DNAAF10: variants seen among roughly 807,000 people sequenced by gnomAD.
DNAAF10 encodes the protein WD repeat domain 92.
A neutral mutation model predicts 43.7 loss-of-function variants in DNAAF10; 28 were observed. The ratio of observed to expected loss-of-function variants is 0.64; its 90% confidence interval spans 0.48 to 0.88. DNAAF10 has a LOEUF of 0.88. Ranked by LOEUF, DNAAF10 falls within the 40% of genes least tolerant of loss-of-function variation. The pLI, the probability that DNAAF10 is intolerant of heterozygous loss-of-function variation, is 0.00. For synonymous variants in DNAAF10, 156 were observed against 157.3 expected (o/e 0.99, Z 0.06); for missense variants, 403 against 439.1 (o/e 0.92, Z 0.73).
intron 1 of DNAAF10, among the ~76,000 whole-genome samples, chr2:68,150,066 C>T (rs1008420663): frequency 1.9e-4 from 29 of 152,194 alleles, no homozygotes; most frequent in African/African-American, 6.5e-4. Flanking sequence ...CAGAATTCCA[C>T]CGCTGTCCCC....
In DNAAF10 at chr2:68,137,326, G is replaced by A; in HGVS notation, c.741C>T (p.Thr247=). 1 of 1,611,670 alleles carries A rather than the reference G, an allele frequency of 6.2e-7. No homozygotes were observed. Among genetic ancestry groups the A allele is most frequent in the Non-Finnish European group, 8.5e-7 (1 of 1,179,014 alleles). The part of the protein sequence containing the change: ...HVFDMRTQHP[T]KGFASVSEKA... ...TTTCTGAAACAGAGGCAAAACCTTT[G>A]GTTGGATGCTGTGTTCTCATGTCAA... The change falls in exon 6 of 8, where the codon ACC becomes ACT. Residue 247 remains threonine (T), a synonymous_variant. Transcript: ENST00000295121.
At chr2:68,153,163 C>T (rs1169477569) in intron 1 of DNAAF10, among the ~76,000 whole-genome samples, 1 of 152,094 alleles carries the variant, frequency 6.6e-6, no homozygotes, top group Non-Finnish European at 1.5e-5. Context: ...CTCAGCCAGA[C>T]ACCTTTGTGT....
At position 68,142,942 on chromosome 2, in the gene DNAAF10, A is replaced by G. The variant is rs144139070; in HGVS notation, c.416-1147T>C. ...TGCTCTGTCACCCAGGATGGAGTGC[A>G]GTCGTGCGATCATGGTTCACTGTAG... On this transcript the variant is annotated intron_variant, in intron 3 of 7. Transcript: ENST00000295121. 6.1e-3 allele frequency among the ~76,000 whole-genome samples: 931 copies of G among 152,266 alleles called. 5 individuals carry two copies. The highest frequency in any genetic ancestry group is 0.022 in the African/African-American group (894 of 41,540).
At chr2:68,140,470 C>T (rs1380248006) in intron 4 of DNAAF10, among the ~76,000 whole-genome samples, 1 of 152,202 alleles carries the variant, frequency 6.6e-6, no homozygotes, top group African/African-American at 2.4e-5. Flanking sequence ...TATCCAAAAA[C>T]ATTCCCAAAT....
chr2:68,156,252 C>T (rs1673607624), intron 1 of DNAAF10, among the ~76,000 whole-genome samples: 1 of 152,034 alleles, frequency 6.6e-6, no homozygotes, highest in Non-Finnish European at 1.5e-5. Flanking sequence ...TACATACTTT[C>T]TATTCTAGGC....
At chr2:68,138,965 T>C in intron 4 of DNAAF10, 108 bp from the exon 5 acceptor site, 1 of 773,774 alleles carries the variant, frequency 1.3e-6, no homozygotes, top group South Asian at 1.7e-5. Context: ...AATCAGATCT[T>C]AAAAATCACA....
At chr2:68,149,965 C>T (rs1464463861) in intron 1 of DNAAF10, among the ~76,000 whole-genome samples, 1 of 152,112 alleles carries the variant, frequency 6.6e-6, no homozygotes, top group Non-Finnish European at 1.5e-5. Flanking sequence ...ATCTATTGAC[C>T]CAATTCTCTG....
intron 5 of DNAAF10, among the ~76,000 whole-genome samples, chr2:68,137,747 G>A (rs968125652): frequency 4.0e-5 from 6 of 151,814 alleles, no homozygotes; most frequent in Non-Finnish European, 7.4e-5. Context: ...TGCGCCTGTA[G>A]TCCCAGCTAC....
At chr2:68,145,383 T>C (rs1319326557) in intron 2 of DNAAF10, among the ~76,000 whole-genome samples, 6 of 152,126 alleles carry the variant, frequency 3.9e-5, no homozygotes, top group Non-Finnish European at 8.8e-5. Flanking sequence ...ATCATACTCA[T>C]TGTTAAATTC....
At position 68,130,739 on chromosome 2, in the gene DNAAF10, G is replaced by C. The variant is rs531433991; in HGVS notation, c.*499C>G. On this transcript the variant is annotated 3_prime_UTR_variant, in exon 8 of 8. Transcript: ENST00000295121. ...TTTACTTGGTGCTTCTGATACCCAC[G>C]TGCAGCAGCAAGTCAGCAAACAAGC... 1 of 154,006 alleles carries C rather than the reference G, an allele frequency of 6.5e-6. No homozygotes were observed. Among genetic ancestry groups the C allele is most frequent in the East Asian group, 1.9e-4 (1 of 5,184 alleles). The allele number at this position is 154,006 out of a possible 1,614,324, so 9.5% of individuals were successfully genotyped here. A position where few individuals can be genotyped will look rare whatever the true frequency, so the allele number is the denominator to read the frequency against.
At chr2:68,152,560 C>CAGAAA (rs1239824513) in intron 1 of DNAAF10, among the ~76,000 whole-genome samples, 2 of 151,512 alleles carry the variant, frequency 1.3e-5, no homozygotes, top group East Asian at 3.9e-4. Context: ...AGTTTATCTA[C>CAGAAA]AGAAAAGAAA....
chr2:68,146,818 A>G (rs1198638848), intron 2 of DNAAF10, among the ~76,000 whole-genome samples: 1 of 152,186 alleles, frequency 6.6e-6, no homozygotes, highest in Non-Finnish European at 1.5e-5. Flanking sequence ...AACACTCTAG[A>G]ACTTTCTCCA....
rs958943671 is a variant in DNAAF10, at chr2:68,130,872, A to C, written c.*366T>G. 3 of 187,682 alleles carry C rather than the reference A, an allele frequency of 1.6e-5. No homozygotes were observed. The highest frequency in any genetic ancestry group is 3.4e-5 in the Non-Finnish European group (3 of 88,450). 11.6% of individuals were successfully genotyped at this position (187,682 alleles called of 1,614,324 possible). Reference sequence around the variant, plus strand: ...GTCAGAGGACTCCAGAACCTATCTTAAATTGTGTGAGTGTTCCTCTGGAAG... The same window carrying C: ...GTCAGAGGACTCCAGAACCTATCTTCAATTGTGTGAGTGTTCCTCTGGAAG... On this transcript the variant is annotated 3_prime_UTR_variant, in exon 8 of 8. Transcript: ENST00000295121.
Position 68,134,388 on chromosome 2 carries a change from T to C in DNAAF10, c.866+314A>G, listed in dbSNP as rs1194331807. 3 of 1,093,722 alleles carry C rather than the reference T, an allele frequency of 2.7e-6. No individual in the cohort carries two copies. The African/African-American group carries it at 5.1e-5, about 19-fold the overall frequency. The allele number at this position is 1,093,722 out of a possible 1,614,324, so 67.8% of individuals were successfully genotyped here. On this transcript the variant is annotated intron_variant, in intron 7 of 7. Transcript: ENST00000295121. ...GGCAAGGAACCCTTTCCCCATCTTT[T>C]AGAGGCAGTGAGTGTTCTAATCACT...
Position 68,134,785 on chromosome 2 carries a change from A to C in DNAAF10, c.783T>G (p.Thr261=). 6.2e-7 allele frequency: 1 copy of C among 1,613,450 alleles called. No individual in the cohort carries two copies. Among genetic ancestry groups the C allele is most frequent in the South Asian group, 1.1e-5 (1 of 90,882 alleles). ...ASVSEKAHKS[T]VWQVRHLPQN... ...GCGGCAGGTGTCGGACCTGCCACACAGTAGATTTATGAGCCTAAATAGAAC... is the reference window on the plus strand; with the variant it reads ...GCGGCAGGTGTCGGACCTGCCACACCGTAGATTTATGAGCCTAAATAGAAC... Residue 261 remains threonine (T), a synonymous_variant, in exon 7 of 8, where the codon ACT becomes ACG. Transcript: ENST00000295121.
chr2:68,145,366 C>G (rs76864194), intron 2 of DNAAF10, among the ~76,000 whole-genome samples: 3,897 of 152,074 alleles, frequency 0.026, 43 homozygotes, highest in Middle Eastern at 0.092. Context: ...GCTGGCCTTA[C>G]TAAATCATCA....
rs776842391 is a variant in DNAAF10, at chr2:68,131,262, G to A, written c.1050C>T (p.Ile350=). 3.5e-5 allele frequency: 57 copies of A among 1,613,770 alleles called. No homozygotes were observed. The highest frequency in any genetic ancestry group is 1.1e-4 in the African/African-American group (8 of 74,824). Residue 350 remains isoleucine (I), a synonymous_variant, in exon 8 of 8, where the codon ATC becomes ATT. Transcript: ENST00000295121. The part of the protein sequence containing the change: ...SSFDQTVRVL[I]VTKLNKI Reference sequence around the variant, plus strand: ...GTCAAATTTTATTGAGCTTTGTAACGATCAGTACTCTCACCGTTTGGTCAA... The same window carrying A: ...GTCAAATTTTATTGAGCTTTGTAACAATCAGTACTCTCACCGTTTGGTCAA...
intron 1 of DNAAF10, among the ~76,000 whole-genome samples, chr2:68,154,628 C>G (rs1673544773): frequency 6.6e-6 from 1 of 152,156 alleles, no homozygotes; most frequent in African/African-American, 2.4e-5. Context: ...AATGTTCTAT[C>G]GTGGACACAT....
chr2:68,136,458 A>C (rs1400111299), intron 6 of DNAAF10, among the ~76,000 whole-genome samples: 13 of 152,204 alleles, frequency 8.5e-5, no homozygotes, highest in Admixed American at 8.5e-4. Flanking sequence ...TTTACACACA[A>C]TAATAATAAT....
Sources: allele counts gnomAD v4.1 joint callset (sites outside exome capture counted in the v4.1 genomes callset), GRCh38; gene constraint gnomAD v4.1.1; transcripts MANE v1.5; gene names NCBI Gene and HGNC (gene_info 2026-07-23, HGNC 2026-07-21).